The following KCNK9 variants were observed in gnomAD, a reference collection of about 807,000 sequenced individuals.
KCNK9 encodes the protein potassium two pore domain channel subfamily K member 9, also known as potassium channel subfamily K member 9.
In KCNK9, 1 loss-of-function variant was observed where a neutral mutation model predicts 10.8. That is an observed-to-expected ratio of 0.09 (90% CI 0.03 to 0.44). The LOEUF (loss-of-function observed/expected upper bound fraction) is 0.44. KCNK9 is among the 20% of genes least tolerant of loss of function. The pLI, the probability that KCNK9 is intolerant of heterozygous loss-of-function variation, is 0.97. For missense variants in KCNK9, 303 were observed against 515.0 expected (o/e 0.59, Z 3.98); for synonymous variants, 231 against 222.7 (o/e 1.04, Z -0.33).
In KCNK9 at chr8:139,683,635, C is replaced by T. The variant is rs142481764; in HGVS notation, c.283+19075G>A. On this transcript the variant is annotated intron_variant, in intron 1 of 1. Coordinates refer to ENST00000520439, the MANE Select transcript of KCNK9 (RefSeq NM_001282534.2). ...GAGTTGACCACGGGTTACCAGGTCA[C>T]ATCCAGGACACGTGGTAGCTGAACA... Among the ~76,000 whole-genome samples, 278 of 152,302 alleles carry T rather than the reference C, an allele frequency of 1.8e-3. 2 individuals are homozygous for T. Among genetic ancestry groups the T allele is most frequent in the African/African-American group, 6.5e-3 (268 of 41,532 alleles).
intron 1 of KCNK9, among the ~76,000 whole-genome samples, chr8:139,683,281 C>A (rs1289057153): frequency 6.6e-6 from 1 of 152,134 alleles, no homozygotes; most frequent in African/African-American, 2.4e-5. Context: ...AAGGAAGCAG[C>A]CAGAGAGAAG....
intron 1 of KCNK9, among the ~76,000 whole-genome samples, chr8:139,683,814 G>A (rs56980827): frequency 0.012 from 1,802 of 152,326 alleles, 37 homozygotes; most frequent in African/African-American, 0.039. Flanking sequence ...GGGAAATGGA[G>A]CCACACCTCC....
chr8:139,668,711 C>A (rs571600047), intron 1 of KCNK9, among the ~76,000 whole-genome samples: 1 of 152,306 alleles, frequency 6.6e-6, no homozygotes, highest in Admixed American at 6.5e-5. Flanking sequence ...CGTGAGCCAC[C>A]GCGCCCGTCG....
At chr8:139,653,681 A>G (rs1036030333) in intron 1 of KCNK9, among the ~76,000 whole-genome samples, 1 of 152,192 alleles carries the variant, frequency 6.6e-6, no homozygotes, top group Non-Finnish European at 1.5e-5. Flanking sequence ...TGTTTAATAG[A>G]TACTCAAACG....
intron 1 of KCNK9, among the ~76,000 whole-genome samples, chr8:139,630,854 C>T (rs1029669829): frequency 6.6e-6 from 1 of 152,260 alleles, no homozygotes; most frequent in African/African-American, 2.4e-5. Flanking sequence ...ACACAGAAGC[C>T]TGCAATCACA....
At chr8:139,622,000 G>A (rs572317043) in intron 1 of KCNK9, among the ~76,000 whole-genome samples, 1 of 152,200 alleles carries the variant, frequency 6.6e-6, no homozygotes, top group African/African-American at 2.4e-5. Flanking sequence ...GTTCCTGCTA[G>A]TAAAAATAAG....
chr8:139,623,463 C>T (rs903192634), intron 1 of KCNK9, among the ~76,000 whole-genome samples: 1 of 152,162 alleles, frequency 6.6e-6, no homozygotes, highest in African/African-American at 2.4e-5. Context: ...CAGCCTGTAC[C>T]AGGAGCCCTG....
intron 1 of KCNK9, among the ~76,000 whole-genome samples, chr8:139,630,431 G>A (rs1815129017): frequency 1.3e-5 from 2 of 152,200 alleles, no homozygotes; most frequent in East Asian, 1.9e-4. Flanking sequence ...CCTCTCTCCC[G>A]GAGGATGCAG....
chr8:139,641,753 C>T (rs1015811885), intron 1 of KCNK9, among the ~76,000 whole-genome samples: 1 of 152,206 alleles, frequency 6.6e-6, no homozygotes, highest in African/African-American at 2.4e-5. Flanking sequence ...CGCTACATGG[C>T]TGCCCTCCTG....
chr8:139,649,613 G>A lies in KCNK9; in HGVS notation c.284-30514C>T, dbSNP rs191255262. Reference sequence around the variant, plus strand: ...CTGGGCCCTTCCTCCTGCACTGTGCGACAGATACACTCCCCTGCTCAAAAG... The same window carrying A: ...CTGGGCCCTTCCTCCTGCACTGTGCAACAGATACACTCCCCTGCTCAAAAG... On this transcript the variant is annotated intron_variant, in intron 1 of 1. Transcript: ENST00000520439. Among the ~76,000 whole-genome samples, 42 of 152,188 alleles carry A rather than the reference G, an allele frequency of 2.8e-4. No homozygotes were observed. In the South Asian group the frequency reaches 4.2e-3, roughly 15 times the overall value.
chr8:139,672,449 A>G (rs573114352), intron 1 of KCNK9, among the ~76,000 whole-genome samples: 134 of 152,358 alleles, frequency 8.8e-4, no homozygotes, highest in African/African-American at 3.2e-3. Context: ...AAATCAGCTC[A>G]ACCCTTCTGG....
chr8:139,664,656 G>A (rs910204519), intron 1 of KCNK9, among the ~76,000 whole-genome samples: 1 of 152,182 alleles, frequency 6.6e-6, no homozygotes, highest in African/African-American at 2.4e-5. Context: ...CCACTCTACA[G>A]TCATATCCTG....
At chr8:139,602,195 A>C (rs530270138) in intron 2 of KCNK9, 1 of 152,436 alleles carries the variant, frequency 6.6e-6, no homozygotes, top group African/African-American at 2.4e-5. Flanking sequence ...CCAGGGGACC[A>C]GGAAGTGCAA....
intron 1 of KCNK9, among the ~76,000 whole-genome samples, chr8:139,674,443 G>A (rs916308635): frequency 6.6e-6 from 1 of 152,180 alleles, no homozygotes; most frequent in Non-Finnish European, 1.5e-5. Context: ...AGTATAGGGG[G>A]CCAGGGCCAG....
intron 1 of KCNK9, among the ~76,000 whole-genome samples, chr8:139,663,950 A>C (rs1816233381): frequency 6.6e-6 from 1 of 152,180 alleles, no homozygotes; most frequent in South Asian, 2.1e-4. Context: ...GAAATTGCGA[A>C]ATAACACATC....
In KCNK9 at chr8:139,617,730, C is replaced by A. The variant is rs558152460; in HGVS notation, c.*528G>T. ...GTGTGATGGGAAAGAAAACGGAATA[C>A]CTAATACTTCCCGTTTTGTCACGAC... On this transcript the variant is annotated 3_prime_UTR_variant, in exon 2 of 2. Coordinates refer to ENST00000520439, the MANE Select transcript of KCNK9 (RefSeq NM_001282534.2). Among the ~76,000 whole-genome samples the A allele has an allele frequency of 6.6e-6, 1 of 152,258 alleles. No homozygotes were observed. Among genetic ancestry groups the A allele is most frequent in the South Asian group, 2.1e-4 (1 of 4,826 alleles).
At chr8:139,653,802 C>G (rs1248141004) in intron 1 of KCNK9, among the ~76,000 whole-genome samples, 1 of 152,242 alleles carries the variant, frequency 6.6e-6, no homozygotes. Context: ...TGTCCAGAGG[C>G]CCACGCGGAG....
intron 1 of KCNK9, among the ~76,000 whole-genome samples, chr8:139,696,091 G>T (rs1051598562): frequency 1.3e-5 from 2 of 152,120 alleles, no homozygotes; most frequent in African/African-American, 2.4e-5. Flanking sequence ...TTGAAGAGAA[G>T]CCATCCCAAC....
intron 1 of KCNK9, among the ~76,000 whole-genome samples, chr8:139,635,738 G>A (rs1164029348): frequency 6.6e-6 from 1 of 152,062 alleles, no homozygotes; most frequent in Non-Finnish European, 1.5e-5. Context: ...AAAGAAGCAG[G>A]GGAAAAAAAA....
Sources: gnomAD v4.1 joint callset for allele counts (sites outside exome capture counted in the v4.1 genomes callset) on GRCh38, gnomAD v4.1.1 for gene constraint, MANE v1.5 for transcripts, NCBI Gene and HGNC (gene_info 2026-07-23, HGNC 2026-07-21) for gene names.